RDH12: variants seen among roughly 807,000 people sequenced by gnomAD.
RDH12 encodes all-trans and 9-cis retinol dehydrogenase.
A neutral mutation model predicts 34.0 loss-of-function variants in RDH12; 21 were observed. That is an observed-to-expected ratio of 0.62 (90% CI 0.44 to 0.89). RDH12 has a LOEUF of 0.89. Among genes scored for constraint, RDH12 ranks in the 40% least tolerant of loss-of-function variants. RDH12 has a pLI of 0.00. For synonymous variants in RDH12, 198 were observed against 169.9 expected, an observed-to-expected ratio of 1.17 and a Z score of -1.29; for missense variants, 394 against 398.6, an observed-to-expected ratio of 0.99 and a Z score of 0.10.
chr14:67,719,109 C>T (rs1037762615), intron 1 of RDH12, among the ~76,000 whole-genome samples: 7 of 152,208 alleles, frequency 4.6e-5, no homozygotes, highest in Non-Finnish European at 1.0e-4. Context: ...CTCCTCATAT[C>T]GGAGTTATCC....
chr14:67,706,408 T>C (rs1218995435), intron 1 of RDH12, among the ~76,000 whole-genome samples: 1 of 152,214 alleles, frequency 6.6e-6, no homozygotes, highest in Non-Finnish European at 1.5e-5. Context: ...TCGGAGGGCC[T>C]GACAACATAT....
chr14:67,729,572 C>T, intron 8 of RDH12, 192 bp downstream of exon 8: 1 of 653,122 alleles, frequency 1.5e-6, no homozygotes, highest in Non-Finnish European at 2.7e-6. Context: ...GGAAGAGTTG[C>T]TTTTCTGGCT....
intron 1 of RDH12, among the ~76,000 whole-genome samples, chr14:67,706,822 C>G (rs2037955303): frequency 6.6e-6 from 1 of 152,082 alleles, no homozygotes; most frequent in African/African-American, 2.4e-5. Context: ...AGTCTCTGGT[C>G]CCAGCTTTTT....
intron 1 of RDH12, among the ~76,000 whole-genome samples, chr14:67,719,802 G>T (rs1288197580): frequency 6.6e-6 from 1 of 152,062 alleles, no homozygotes; most frequent in African/African-American, 2.4e-5. Context: ...ATTTACTTAA[G>T]TTTTTTATTT....
intron 1 of RDH12, among the ~76,000 whole-genome samples, chr14:67,714,081 C>T (rs1293852444): frequency 2.0e-5 from 3 of 152,052 alleles, no homozygotes; most frequent in Non-Finnish European, 4.4e-5. Flanking sequence ...TTCACAGTAG[C>T]AACTATTAGA....
At chr14:67,729,971 G>C (rs1309781510) in intron 8 of RDH12, among the ~76,000 whole-genome samples, 1 of 152,146 alleles carries the variant, frequency 6.6e-6, no homozygotes, top group Admixed American at 6.5e-5. Context: ...GTCCCGCTTT[G>C]TTCAAGGCTT....
chr14:67,705,993 G>A (rs2037946569), intron 1 of RDH12: 1 of 152,222 alleles, frequency 6.6e-6, no homozygotes, highest in Non-Finnish European at 1.5e-5. Context: ...CCAGTTACTT[G>A]GGAGGATGAG....
At chr14:67,725,999 C>A in intron 5 of RDH12, 52 bp from the exon 6 acceptor site, 3 of 1,194,342 alleles carry the variant, frequency 2.5e-6, no homozygotes, top group South Asian at 2.4e-5. Flanking sequence ...CTGTTACAGG[C>A]AGCTAGGGGA....
chr14:67,703,749 C>T (rs2037924455), intron 1 of RDH12, among the ~76,000 whole-genome samples: 1 of 152,114 alleles, frequency 6.6e-6, no homozygotes, highest in Admixed American at 6.6e-5. Context: ...GATCACAGCT[C>T]ATTGCAACCT....
chr14:67,703,874 T>C (rs570335818), intron 1 of RDH12, among the ~76,000 whole-genome samples: 1 of 152,084 alleles, frequency 6.6e-6, no homozygotes, highest in South Asian at 2.1e-4. Flanking sequence ...GATGGGGTTT[T>C]GCCATGTTGC....
intron 5 of RDH12, 54 bp from the exon 6 acceptor site, chr14:67,725,997 G>A (rs2038180761): frequency 1.7e-6 from 2 of 1,199,830 alleles, no homozygotes; most frequent in African/African-American, 3.0e-5. Flanking sequence ...GTCTGTTACA[G>A]GCAGCTAGGG....
intron 1 of RDH12, among the ~76,000 whole-genome samples, chr14:67,718,840 C>T (rs887276871): frequency 2.6e-5 from 4 of 151,572 alleles, no homozygotes; most frequent in African/African-American, 7.3e-5. Flanking sequence ...AAGAATGTCT[C>T]GATACCAGTT....
chr14:67,734,409 T>C lies in RDH12; in HGVS notation c.*561T>C, dbSNP rs986279190. The C allele has an allele frequency of 1.9e-5, 3 of 155,244 alleles. No individual in the cohort carries two copies. The highest frequency in any genetic ancestry group is 1.9e-4 in the Admixed American group (3 of 15,894). 9.6% of individuals were successfully genotyped at this position (155,244 alleles called of 1,614,324 possible). A position where few individuals can be genotyped will look rare whatever the true frequency, so the allele number is the denominator to read the frequency against. ...GTTTCTTTTTGTAAAGAGTTCCGTTTGCCTTTCAATTTTTAGAGAAAATAA... is the reference window on the plus strand; with the variant it reads ...GTTTCTTTTTGTAAAGAGTTCCGTTCGCCTTTCAATTTTTAGAGAAAATAA... On this transcript the variant is annotated 3_prime_UTR_variant, in exon 9 of 9. Transcript: ENST00000551171.
intron 8 of RDH12, chr14:67,729,673 G>A: frequency 1.7e-6 from 1 of 587,064 alleles, no homozygotes; most frequent in Non-Finnish European, 3.2e-6. Context: ...TTATGCCATG[G>A]AGATCTGGAT....
chr14:67,709,912 T>G (rs536057273), intron 1 of RDH12, among the ~76,000 whole-genome samples: 22 of 152,326 alleles, frequency 1.4e-4, no homozygotes, highest in Admixed American at 1.1e-3. Context: ...CAAACCTGCC[T>G]TCCATTCTAT....
intron 1 of RDH12, among the ~76,000 whole-genome samples, chr14:67,707,668 G>C (rs895054774): frequency 1.3e-5 from 2 of 152,094 alleles, no homozygotes; most frequent in African/African-American, 4.8e-5. Flanking sequence ...TTTTTACATA[G>C]GCTTTTAAAT....
intron 1 of RDH12, among the ~76,000 whole-genome samples, chr14:67,711,246 A>T (rs1010357755): frequency 1.3e-5 from 2 of 152,214 alleles, no homozygotes; most frequent in African/African-American, 4.8e-5. Context: ...ACAAGCAGAG[A>T]TCATTCTGTT....
chr14:67,721,639 C>T (rs978200056), intron 2 of RDH12, among the ~76,000 whole-genome samples: 1 of 152,018 alleles, frequency 6.6e-6, no homozygotes, highest in African/African-American at 2.4e-5. Context: ...AGATACGAAT[C>T]AGAACAGCTA....
chr14:67,733,894 T>C lies in RDH12; in HGVS notation c.*46T>C, dbSNP rs755094887. On this transcript the variant is annotated 3_prime_UTR_variant, in exon 9 of 9. Coordinates refer to ENST00000551171, the MANE Select transcript of RDH12 (RefSeq NM_152443.3). ...TTATCAGGCCCAATCCATGCCATAA[T>C]GAACAGGGACCAAGGAGAAGGCCAA... is the stretch of plus-strand genomic sequence containing the variant. 80 of 1,431,544 alleles carry C rather than the reference T, an allele frequency of 5.6e-5. No homozygotes were observed. Among genetic ancestry groups the C allele is most frequent in the Non-Finnish European group, 7.9e-6 (8 of 1,017,316 alleles). 88.7% of individuals were successfully genotyped at this position (1,431,544 alleles called of 1,614,324 possible).
Sources: allele counts gnomAD v4.1 joint callset (sites outside exome capture counted in the v4.1 genomes callset), GRCh38; gene constraint gnomAD v4.1.1; transcripts MANE v1.5; gene names NCBI Gene and HGNC (gene_info 2026-07-23, HGNC 2026-07-21).